The following PRKN variants were observed in gnomAD, a reference collection of about 807,000 sequenced individuals.
The protein encoded by PRKN is parkin RBR E3 ubiquitin protein ligase.
PRKN carries 56 observed loss-of-function variants against 59.5 expected under a neutral mutation model. The ratio of observed to expected loss-of-function variants is 0.94; its 90% CI spans 0.76 to 1.18. The LOEUF (loss-of-function observed/expected upper bound fraction) is 1.18, where lower values mean the gene tolerates loss of function less well. Among genes scored for constraint, PRKN ranks in the 50% most tolerant of loss-of-function variants. The probability of loss-of-function intolerance (pLI) is 0.00; values close to 1 mark genes in which losing one functional copy is unlikely to be tolerated. For synonymous variants in PRKN, 250 were observed against 222.1 expected (o/e 1.13, Z -1.12); for missense variants, 657 against 596.4 (o/e 1.10, Z -1.06).
intron 1 of PRKN, among the ~76,000 whole-genome samples, chr6:162,475,598 T>C (rs1261719582): frequency 6.6e-6 from 1 of 152,178 alleles, no homozygotes; most frequent in Admixed American, 6.5e-5. Flanking sequence ...TGTGTGTGTT[T>C]GCATGAGTGT....
intron 4 of PRKN, among the ~76,000 whole-genome samples, chr6:162,176,414 A>G (rs1300846067): frequency 9.2e-5 from 14 of 152,200 alleles, no homozygotes. Context: ...TAGAGGACCC[A>G]TAAGTAAATC....
At chr6:162,574,630 C>G (rs898470232) in intron 1 of PRKN, among the ~76,000 whole-genome samples, 1 of 151,994 alleles carries the variant, frequency 6.6e-6, no homozygotes, top group Non-Finnish European at 1.5e-5. Flanking sequence ...ATAGGATGGC[C>G]GTTTCATAGG....
chr6:162,334,483 T>G (rs9365402), intron 2 of PRKN, among the ~76,000 whole-genome samples: 24,871 of 152,182 alleles, frequency 0.16, 2,242 homozygotes, highest in African/African-American at 0.22. Flanking sequence ...CCAGCACATC[T>G]GTTTACAGTG....
intron 9 of PRKN, among the ~76,000 whole-genome samples, chr6:161,537,671 T>A (rs949744963): frequency 6.6e-6 from 1 of 152,184 alleles, no homozygotes; most frequent in Non-Finnish European, 1.5e-5. Flanking sequence ...CTGGATGGTC[T>A]CGATCTCCTG....
At chr6:161,849,960 G>A (rs937403347) in intron 6 of PRKN, among the ~76,000 whole-genome samples, 6 of 152,034 alleles carry the variant, frequency 3.9e-5, no homozygotes, top group African/African-American at 1.2e-4. Flanking sequence ...TTTCGCTACC[G>A]TAAAGCCCAG....
At chr6:161,541,929 A>G (rs1332553620) in intron 9 of PRKN, among the ~76,000 whole-genome samples, 2 of 152,222 alleles carry the variant, frequency 1.3e-5, no homozygotes, top group Non-Finnish European at 2.9e-5. Flanking sequence ...GTTAAAAAAT[A>G]TACTTTTCTA....
At chr6:162,466,314 G>A (rs1272213513) in intron 1 of PRKN, among the ~76,000 whole-genome samples, 1 of 152,124 alleles carries the variant, frequency 6.6e-6, no homozygotes, top group East Asian at 1.9e-4. Context: ...GCAATCATTT[G>A]CAGAATAGGC....
chr6:161,762,644 A>G (rs908000452), intron 7 of PRKN, among the ~76,000 whole-genome samples: 1 of 152,210 alleles, frequency 6.6e-6, no homozygotes, highest in African/African-American at 2.4e-5. Context: ...AACTACAAAA[A>G]CCGGTGGCCA....
Position 162,262,781 on chromosome 6 carries a change from G to GAA in PRKN, c.172-17_172-16insTT. 17 of 1,326,100 alleles carry GAA rather than the reference G, an allele frequency of 1.3e-5. No homozygotes were observed. The highest frequency in any genetic ancestry group is 5.7e-5 in the South Asian group (4 of 69,724). 82.1% of individuals were successfully genotyped at this position (1,326,100 alleles called of 1,614,324 possible). ...GGTCACAATTCTGTTTGGGAGCAAG[G>GAA]TAAAAAAAAAAAAAAAAAAAAAGGA... On this transcript the variant is annotated splice_polypyrimidine_tract_variant and intron_variant, in intron 2 of 11. Transcript: ENST00000366898.
At chr6:162,324,191 C>G (rs939359193) in intron 2 of PRKN, among the ~76,000 whole-genome samples, 1 of 152,078 alleles carries the variant, frequency 6.6e-6, no homozygotes, top group Non-Finnish European at 1.5e-5. Context: ...GTAAGGAGTG[C>G]ATTCTATATT....
chr6:161,931,109 CGAAT>C (rs1347092972), intron 6 of PRKN, among the ~76,000 whole-genome samples: 18 of 152,248 alleles, frequency 1.2e-4, no homozygotes, highest in African/African-American at 4.3e-4. Flanking sequence ...TTTGAATGAA[CGAAT>C]GAATGAACTC....
At chr6:161,619,775 G>C (rs901410997) in intron 7 of PRKN, among the ~76,000 whole-genome samples, 5 of 152,194 alleles carry the variant, frequency 3.3e-5, no homozygotes, top group Admixed American at 3.3e-4. Context: ...TGAATGGAGA[G>C]AGGACTGTGA....
intron 6 of PRKN, among the ~76,000 whole-genome samples, chr6:161,934,838 TA>T (rs1463483978): frequency 6.6e-6 from 1 of 152,126 alleles, no homozygotes; most frequent in Non-Finnish European, 1.5e-5. Context: ...CAAATTTAGA[TA>T]AAAAATAGAA....
intron 6 of PRKN, among the ~76,000 whole-genome samples, chr6:161,806,471 A>G (rs1489583299): frequency 4.6e-5 from 7 of 152,130 alleles, no homozygotes; most frequent in Non-Finnish European, 1.0e-4. Flanking sequence ...AGTCAGACTT[A>G]CAAGCCAGAC....
chr6:162,188,152 G>A (rs1187953669), intron 4 of PRKN, among the ~76,000 whole-genome samples: 1 of 152,168 alleles, frequency 6.6e-6, no homozygotes, highest in Non-Finnish European at 1.5e-5. Flanking sequence ...CCAGAAGTGT[G>A]AGGCCTCCCC....
intron 1 of PRKN, among the ~76,000 whole-genome samples, chr6:162,647,949 CAAAAAAAAAA>C (rs398003250): frequency 1.3e-5 from 1 of 75,650 alleles, no homozygotes; most frequent in East Asian, 3.7e-4. Context: ...GTCCACAGTG[CAAAAAAAAAA>C]AAAAAAAAAA....
chr6:161,441,164 G>A (rs958905793), intron 9 of PRKN, among the ~76,000 whole-genome samples: 2 of 152,230 alleles, frequency 1.3e-5, no homozygotes, highest in Admixed American at 1.3e-4. Context: ...CACCGCAGGA[G>A]GAGCAGGAGA....
In PRKN at chr6:161,551,841, G is replaced by C. The variant is rs1490532911; in HGVS notation, c.934-2838C>G. ...AGGCAGGACTGAGACGAGAAGCGCA[G>C]ATGGACAGTTTAAGCCAGAGAAAGA... On this transcript the variant is annotated intron_variant, in intron 8 of 11. Transcript: ENST00000366898. The surrounding 1 kb of genome is among the most constrained non-coding windows in gnomAD (Gnocchi z 5.2). 4.6e-5 allele frequency among the ~76,000 whole-genome samples: 7 copies of C among 152,182 alleles called. No homozygotes were observed. The highest frequency in any genetic ancestry group is 1.7e-4 in the African/African-American group (7 of 41,442).
At chr6:162,359,887 A>T (rs1304735395) in intron 2 of PRKN, among the ~76,000 whole-genome samples, 1 of 152,212 alleles carries the variant, frequency 6.6e-6, no homozygotes, top group African/African-American at 2.4e-5. Context: ...TCTACAGAAC[A>T]AATATGCCAT....
Sources: gnomAD v4.1 joint callset for allele counts (sites outside exome capture counted in the v4.1 genomes callset) on GRCh38, gnomAD v4.1.1 for gene constraint, Gnocchi (gnomAD v3.1) non-coding constraint, MANE v1.5 for transcripts, NCBI Gene and HGNC (gene_info 2026-07-23, HGNC 2026-07-21) for gene names.